FBXO11: variants seen among roughly 807,000 people sequenced by gnomAD.
The protein encoded by FBXO11 is F-box only protein 11.
In FBXO11, 13 loss-of-function variants were observed where a neutral mutation model predicts 117.0. The ratio of observed to expected loss-of-function variants is 0.11; its 90% CI spans 0.07 to 0.18. The LOEUF is 0.18. FBXO11 is among the 10% of genes least tolerant of loss of function. The pLI is 1.00. For missense variants in FBXO11, 767 were observed against 1,164.4 expected, an observed-to-expected ratio of 0.66 and a Z score of 4.97; for synonymous variants, 490 against 380.5, an observed-to-expected ratio of 1.29 and a Z score of -3.35.
chr2:47,844,609 A>G (rs1160396871), intron 1 of FBXO11, among the ~76,000 whole-genome samples: 2 of 152,000 alleles, frequency 1.3e-5, no homozygotes, highest in Non-Finnish European at 2.9e-5. Context: ...CTTCCTTAAA[A>G]GTTTAGTTAT....
intron 7 of FBXO11, 73 bp downstream of exon 7, chr2:47,834,506 C>G (rs1198283350): frequency 8.5e-7 from 1 of 1,176,262 alleles, no homozygotes; most frequent in African/African-American, 1.6e-5. Context: ...TTTTAAGTCA[C>G]TAGCATTTTT....
chr2:47,839,882 T>A (rs1259434477), intron 1 of FBXO11, 113 bp from the exon 2 acceptor site: 5 of 868,248 alleles, frequency 5.8e-6, no homozygotes, highest in African/African-American at 5.2e-5. Context: ...GTAAGTTTTA[T>A]ATGAAATTCC....
At chr2:47,871,811 A>AAC (rs1230834300) in intron 1 of FBXO11, among the ~76,000 whole-genome samples, 2 of 152,208 alleles carry the variant, frequency 1.3e-5, no homozygotes, top group Non-Finnish European at 2.9e-5. Flanking sequence ...TTCTGACATA[A>AAC]ACAAATTCAT....
chr2:47,904,471 G>C (rs546586992), intron 1 of FBXO11, among the ~76,000 whole-genome samples: 1 of 152,254 alleles, frequency 6.6e-6, no homozygotes, highest in East Asian at 1.9e-4. Context: ...TCAACCTCGG[G>C]GAGCCTCAGC....
Position 47,820,977 on chromosome 2 carries a change from C to T in FBXO11, c.1703-521G>A, listed in dbSNP as rs548429212. Among the ~76,000 whole-genome samples, 6 of 152,268 alleles carry T rather than the reference C, an allele frequency of 3.9e-5. No individual in the cohort carries two copies. The South Asian group carries it at 1.2e-3, about 32-fold the overall frequency. On this transcript the variant is annotated intron_variant, in intron 13 of 22. Transcript: ENST00000403359. ...CTGATTGTTTGCTGATTTAATGTTC[C>T]TAAAACTTTAATGAGGAATAAATAT... is the stretch of plus-strand genomic sequence containing the variant.
chr2:47,809,422 A>G (rs111525278), intron 20 of FBXO11, 156 bp from the exon 21 acceptor site: 1 of 688,876 alleles, frequency 1.5e-6, no homozygotes, highest in East Asian at 2.8e-5. Context: ...CTAAGAATAG[A>G]ATTTTCCTTG....
chr2:47,901,504 G>A (rs1026602687), intron 1 of FBXO11, among the ~76,000 whole-genome samples: 1 of 152,036 alleles, frequency 6.6e-6, no homozygotes, highest in Non-Finnish European at 1.5e-5. Flanking sequence ...TAGATTCCAG[G>A]TAGAAGAATT....
At chr2:47,887,842 C>T (rs1203403518) in intron 1 of FBXO11, among the ~76,000 whole-genome samples, 2 of 152,114 alleles carry the variant, frequency 1.3e-5, no homozygotes, top group Admixed American at 1.3e-4. Context: ...GCCTGAATGA[C>T]TGAGATTCTG....
At chr2:47,903,615 C>T (rs1004097486) in intron 1 of FBXO11, among the ~76,000 whole-genome samples, 3 of 152,158 alleles carry the variant, frequency 2.0e-5, no homozygotes, top group African/African-American at 7.2e-5. Context: ...AATGAAAATT[C>T]AGAGTAAACA....
Position 47,850,515 on chromosome 2 carries a change from C to T in FBXO11, c.233-10746G>A, listed in dbSNP as rs117619139. 2.8e-3 allele frequency among the ~76,000 whole-genome samples: 428 copies of T among 152,172 alleles called. 15 individuals are homozygous for T. The East Asian group carries it at 0.078, about 28-fold the overall frequency. On this transcript the variant is annotated intron_variant, in intron 1 of 22. Coordinates refer to ENST00000403359, the MANE Select transcript of FBXO11 (RefSeq NM_001190274.2). ...TGGTACAATACTGTTTCATGGTAGA[C>T]GTGCCATTCAATTTTTGAGAGGCAG...
At chr2:47,865,409 C>T (rs1675121365) in intron 1 of FBXO11, among the ~76,000 whole-genome samples, 1 of 152,212 alleles carries the variant, frequency 6.6e-6, no homozygotes, top group Admixed American at 6.5e-5. Context: ...CCCTTCTTCA[C>T]CCTTTCTGCT....
intron 13 of FBXO11, among the ~76,000 whole-genome samples, chr2:47,821,722 T>C (rs986652373): frequency 6.6e-6 from 1 of 151,580 alleles, no homozygotes; most frequent in Non-Finnish European, 1.5e-5. Context: ...GAGGCAGGGG[T>C]TGCTGTGAGG....
rs867032751 is a variant in FBXO11 at position 47,835,933 on chromosome 2, T to C, written c.656A>G (p.Tyr219Cys). ...PMMHPEPGKF[Y>C]QINPEEYEHP... Reference sequence around the variant, plus strand: ...TTCATACTCTTCTGGATTAATCTGGTAGAATTTTCCAGGTTCAGGATGCAT... The same window carrying C: ...TTCATACTCTTCTGGATTAATCTGGCAGAATTTTCCAGGTTCAGGATGCAT... The change falls in exon 5 of 23, where the codon TAC (tyrosine) becomes TGC (cysteine). Residue 219 changes from tyrosine to cysteine, a missense_variant. Transcript: ENST00000403359. The C allele has an allele frequency of 6.2e-7, 1 of 1,611,382 alleles. No individual in the cohort carries two copies. Among genetic ancestry groups the C allele is most frequent in the Non-Finnish European group, 8.5e-7 (1 of 1,177,684 alleles).
At chr2:47,833,337 G>C (rs546626011) in intron 7 of FBXO11, among the ~76,000 whole-genome samples, 7 of 152,168 alleles carry the variant, frequency 4.6e-5, no homozygotes, top group African/African-American at 1.7e-4. Context: ...AACAAAAAAT[G>C]GTTTCTTGTG....
chr2:47,826,650 G>C (rs546267453), intron 11 of FBXO11, among the ~76,000 whole-genome samples: 84 of 152,088 alleles, frequency 5.5e-4, no homozygotes, highest in Non-Finnish European at 9.8e-4. Context: ...ATTCAGAGTT[G>C]AGCCATAAAA....
At chr2:47,891,344 A>ATT (rs1677246363) in intron 1 of FBXO11, among the ~76,000 whole-genome samples, 1 of 152,114 alleles carries the variant, frequency 6.6e-6, no homozygotes, top group African/African-American at 2.4e-5. Context: ...TATAAATTTG[A>ATT]CTATTTCAGA....
intron 1 of FBXO11, among the ~76,000 whole-genome samples, chr2:47,866,387 T>C (rs1219766301): frequency 6.6e-6 from 1 of 152,086 alleles, no homozygotes; most frequent in Admixed American, 6.6e-5. Context: ...GGTGCTGTGT[T>C]ACAGGGTATC....
chr2:47,812,974 G>T, intron 18 of FBXO11: 2 of 460,664 alleles, frequency 4.3e-6, no homozygotes, highest in Non-Finnish European at 3.9e-6. Context: ...ATTTTAAAAG[G>T]TCCAGAGAAT....
chr2:47,853,387 A>C (rs1674027967), intron 1 of FBXO11, among the ~76,000 whole-genome samples: 1 of 152,162 alleles, frequency 6.6e-6, no homozygotes, highest in African/African-American at 2.4e-5. Flanking sequence ...TAAAAAAATA[A>C]TAATAATACT....
Sources: gnomAD v4.1 joint callset for allele counts (sites outside exome capture counted in the v4.1 genomes callset) on GRCh38, gnomAD v4.1.1 for gene constraint, MANE v1.5 for transcripts, NCBI Gene and HGNC (gene_info 2026-07-23, HGNC 2026-07-21) for gene names.